The following P3H2 variants were observed in gnomAD, a reference collection of about 807,000 sequenced individuals.
P3H2 encodes leprecan-like 1.
In P3H2, 80 loss-of-function variants were observed where a neutral mutation model predicts 87.0. That is an observed-to-expected ratio of 0.92 (90% CI 0.77 to 1.11). The LOEUF is 1.11. Ranked by LOEUF, P3H2 falls within the 50% of genes least tolerant of loss-of-function variation. The pLI is 0.00. For synonymous variants in P3H2, 367 were observed against 359.3 expected, an observed-to-expected ratio of 1.02 and a Z score of -0.24; for missense variants, 1,001 against 923.9, an observed-to-expected ratio of 1.08 and a Z score of -1.08.
intron 1 of P3H2, among the ~76,000 whole-genome samples, chr3:190,071,175 C>T (rs1039439920): frequency 6.6e-6 from 1 of 152,086 alleles, no homozygotes; most frequent in African/African-American, 2.4e-5. Context: ...TTAGCTATTA[C>T]GGTTTGCTTC....
At chr3:190,050,310 C>T (rs1233162322) in intron 1 of P3H2, among the ~76,000 whole-genome samples, 1 of 152,118 alleles carries the variant, frequency 6.6e-6, no homozygotes, top group Admixed American at 6.6e-5. Context: ...CCTGCAATAG[C>T]TTTTTAGATA....
At chr3:190,077,902 C>G (rs185019840) in intron 1 of P3H2, among the ~76,000 whole-genome samples, 124 of 118,712 alleles carry the variant, frequency 1.0e-3, no homozygotes, top group African/African-American at 4.3e-3. Context: ...TTCCTGGGAC[C>G]CATAGAGAGT....
At chr3:190,104,332 G>A (rs772048672) in intron 1 of P3H2, among the ~76,000 whole-genome samples, 6 of 152,026 alleles carry the variant, frequency 3.9e-5, no homozygotes, top group East Asian at 1.9e-4. Context: ...CAGCTGGTCC[G>A]AGACAGCATG....
At chr3:190,079,603 G>A (rs1179840448) in intron 1 of P3H2, among the ~76,000 whole-genome samples, 1 of 152,010 alleles carries the variant, frequency 6.6e-6, no homozygotes, top group Non-Finnish European at 1.5e-5. Flanking sequence ...GTCCACTAAT[G>A]TCCCAAAACA....
At chr3:190,086,064 C>T (rs963153910) in intron 1 of P3H2, among the ~76,000 whole-genome samples, 7 of 152,112 alleles carry the variant, frequency 4.6e-5, no homozygotes, top group African/African-American at 1.7e-4. Context: ...CATTACTTTG[C>T]TTGATGGTAT....
intron 1 of P3H2, among the ~76,000 whole-genome samples, chr3:190,106,974 T>C (rs1473879664): frequency 6.6e-6 from 1 of 152,226 alleles, no homozygotes; most frequent in Admixed American, 6.5e-5. Context: ...CTAATAACTA[T>C]AGTCATAGAA....
At chr3:189,986,686 T>G in intron 6 of P3H2, 102 bp downstream of exon 6, 1 of 837,286 alleles carries the variant, frequency 1.2e-6, no homozygotes, top group Non-Finnish European at 2.1e-6. Flanking sequence ...ATCGAAATCT[T>G]AGCTTTTTGA....
At chr3:190,009,200 G>A (rs981873878) in intron 1 of P3H2, among the ~76,000 whole-genome samples, 3 of 151,950 alleles carry the variant, frequency 2.0e-5, no homozygotes, top group African/African-American at 7.2e-5. Flanking sequence ...TACTAACATG[G>A]TAGTCTGATG....
chr3:190,026,000 T>G (rs967105054), intron 1 of P3H2, among the ~76,000 whole-genome samples: 2 of 152,194 alleles, frequency 1.3e-5, no homozygotes, highest in African/African-American at 4.8e-5. Flanking sequence ...TTTATTTTGA[T>G]TTGATTTTTT....
chr3:190,000,440 C>T (rs1724175264), intron 1 of P3H2, among the ~76,000 whole-genome samples: 1 of 152,172 alleles, frequency 6.6e-6, no homozygotes, highest in Non-Finnish European at 1.5e-5. Flanking sequence ...TGTTGACATT[C>T]TCATAGAAGG....
At chr3:190,119,205 A>G (rs1158106917) in intron 1 of P3H2, among the ~76,000 whole-genome samples, 2 of 139,156 alleles carry the variant, frequency 1.4e-5, no homozygotes, top group African/African-American at 2.7e-5. Context: ...GGGAGAGGAG[A>G]GGAGAAAAGA....
At chr3:189,976,454 A>G (rs1723351908) in intron 8 of P3H2, among the ~76,000 whole-genome samples, 1 of 152,266 alleles carries the variant, frequency 6.6e-6, no homozygotes. Flanking sequence ...AAACCATCAG[A>G]TCTTGTGAGA....
chr3:190,094,549 A>G (rs968268542), intron 1 of P3H2, among the ~76,000 whole-genome samples: 1 of 152,176 alleles, frequency 6.6e-6, no homozygotes, highest in Non-Finnish European at 1.5e-5. Flanking sequence ...ACCCAGGCAC[A>G]GCTCCATAAC....
At chr3:190,003,605 C>G (rs1465346478) in intron 1 of P3H2, among the ~76,000 whole-genome samples, 2 of 151,978 alleles carry the variant, frequency 1.3e-5, no homozygotes, top group East Asian at 1.9e-4. Context: ...ACCAAGGGAA[C>G]AGCCAAAATT....
At chr3:190,005,240 A>C (rs78337177) in intron 1 of P3H2, among the ~76,000 whole-genome samples, 3,121 of 152,320 alleles carry the variant, frequency 0.02, 116 homozygotes, top group African/African-American at 0.071. Context: ...GAAATGACAA[A>C]GCCTCAGACA....
intron 1 of P3H2, among the ~76,000 whole-genome samples, chr3:190,079,770 G>A (rs916431069): frequency 1.3e-5 from 2 of 152,168 alleles, no homozygotes; most frequent in African/African-American, 4.8e-5. Context: ...TTACAGTGGT[G>A]AGAACCTTTA....
At chr3:190,031,682 A>G (rs1261610603) in intron 1 of P3H2, among the ~76,000 whole-genome samples, 2 of 152,142 alleles carry the variant, frequency 1.3e-5, no homozygotes, top group African/African-American at 4.8e-5. Flanking sequence ...TAATATACAA[A>G]GATCTTTTCT....
At chr3:190,089,019 C>T (rs770686079) in intron 1 of P3H2, among the ~76,000 whole-genome samples, 2 of 152,162 alleles carry the variant, frequency 1.3e-5, no homozygotes, top group Non-Finnish European at 2.9e-5. Context: ...TTCGCCATGG[C>T]CCCCGTGGTG....
At chr3:190,096,098 C>G (rs1016703411) in intron 1 of P3H2, among the ~76,000 whole-genome samples, 1 of 152,206 alleles carries the variant, frequency 6.6e-6, no homozygotes, top group Non-Finnish European at 1.5e-5. Flanking sequence ...AGCGTGTACA[C>G]AGAGCACAAA....
Sources: allele counts gnomAD v4.1 joint callset (sites outside exome capture counted in the v4.1 genomes callset), GRCh38; gene constraint gnomAD v4.1.1; transcripts MANE v1.5; gene names NCBI Gene and HGNC (gene_info 2026-07-23, HGNC 2026-07-21).